TAFA5: variants seen among roughly 807,000 people sequenced by gnomAD.
TAFA5 encodes chemokine-like protein TAFA-5.
A neutral mutation model predicts 15.3 loss-of-function variants in TAFA5; 6 were observed. That is an observed-to-expected ratio of 0.39 (90% CI 0.21 to 0.77). TAFA5 has a LOEUF of 0.77. Ranked by LOEUF, TAFA5 falls within the 30% of genes least tolerant of loss-of-function variation. The pLI, the probability that TAFA5 is intolerant of heterozygous loss-of-function variation, is 0.41. For missense variants in TAFA5, 161 were observed against 193.1 expected, an observed-to-expected ratio of 0.83 and a Z score of 0.98; for synonymous variants, 103 against 80.7, an observed-to-expected ratio of 1.28 and a Z score of -1.48.
chr22:48,702,870 G>A (rs1928956437), intron 2 of TAFA5, among the ~76,000 whole-genome samples: 1 of 152,240 alleles, frequency 6.6e-6, no homozygotes, highest in Admixed American at 6.5e-5. Flanking sequence ...GGGCTGGGGT[G>A]GGTGAGCCCA....
At chr22:48,593,799 G>C (rs1924662572) in intron 1 of TAFA5, among the ~76,000 whole-genome samples, 1 of 152,058 alleles carries the variant, frequency 6.6e-6, no homozygotes, top group African/African-American at 2.4e-5. Context: ...GACAGTAAGA[G>C]CTCCCCCGAG....
At chr22:48,611,641 T>G (rs899842655) in intron 1 of TAFA5, among the ~76,000 whole-genome samples, 1 of 152,162 alleles carries the variant, frequency 6.6e-6, no homozygotes, top group African/African-American at 2.4e-5. Context: ...CCCTTTGGTG[T>G]TCTGATTGTG....
chr22:48,616,872 G>A (rs1925626193), intron 1 of TAFA5, among the ~76,000 whole-genome samples: 2 of 152,202 alleles, frequency 1.3e-5, no homozygotes, highest in Admixed American at 6.5e-5. Context: ...GGCACGGCTG[G>A]GGTGGGAGCG....
At chr22:48,591,953 C>T (rs773308564) in intron 1 of TAFA5, among the ~76,000 whole-genome samples, 5 of 152,210 alleles carry the variant, frequency 3.3e-5, no homozygotes, top group Non-Finnish European at 5.9e-5. Context: ...CCTCACGGCC[C>T]TGAGCGCCCT....
At chr22:48,641,646 C>T (rs1290489170) in intron 1 of TAFA5, among the ~76,000 whole-genome samples, 5 of 150,972 alleles carry the variant, frequency 3.3e-5, no homozygotes, top group Admixed American at 6.6e-5. Context: ...CGCACACCCT[C>T]CCCTCACACA....
intron 2 of TAFA5, among the ~76,000 whole-genome samples, chr22:48,663,432 G>A (rs1927512776): frequency 6.6e-6 from 1 of 152,136 alleles, no homozygotes; most frequent in African/African-American, 2.4e-5. Flanking sequence ...TAGGCAAAGG[G>A]CAAAGTGCAG....
chr22:48,568,581 G>A (rs1923481041), intron 1 of TAFA5, among the ~76,000 whole-genome samples: 1 of 152,232 alleles, frequency 6.6e-6, no homozygotes, highest in Non-Finnish European at 1.5e-5. Context: ...AGGAAAAGGA[G>A]GAAAGAAAAC....
chr22:48,707,151 G>A (rs1483604819), intron 2 of TAFA5, among the ~76,000 whole-genome samples: 1 of 151,928 alleles, frequency 6.6e-6, no homozygotes, highest in Non-Finnish European at 1.5e-5. Context: ...GGTCAGCCGG[G>A]CATCTGCAGA....
intron 1 of TAFA5, among the ~76,000 whole-genome samples, chr22:48,638,476 CAGG>C (rs1926541595): frequency 8.2e-6 from 1 of 121,762 alleles, no homozygotes; most frequent in African/African-American, 3.2e-5. Context: ...TCACCGCACA[CAGG>C]GGGGACCCCA....
At chr22:48,641,766 G>T (rs1211744089) in intron 1 of TAFA5, among the ~76,000 whole-genome samples, 2 of 152,154 alleles carry the variant, frequency 1.3e-5, no homozygotes, top group African/African-American at 4.8e-5. Context: ...GGACCTGCAA[G>T]GTCCCATGTC....
chr22:48,620,070 G>A (rs1447091730), intron 1 of TAFA5, among the ~76,000 whole-genome samples: 2 of 152,196 alleles, frequency 1.3e-5, no homozygotes, highest in African/African-American at 4.8e-5. Context: ...CAGGGTGGAG[G>A]ATGGCGGCGT....
chr22:48,535,204 G>A (rs1254734707), intron 1 of TAFA5, among the ~76,000 whole-genome samples: 2 of 152,132 alleles, frequency 1.3e-5, no homozygotes, highest in Admixed American at 1.3e-4. Context: ...TTATGCAAAT[G>A]ATCACCCCAC....
intron 1 of TAFA5, chr22:48,576,407 C>G (rs1310115383): frequency 4.0e-6 from 5 of 1,246,140 alleles, no homozygotes; most frequent in Non-Finnish European, 4.1e-6. Context: ...AGGCTGCACC[C>G]GGCGGGGCGC....
At chr22:48,587,078 G>A (rs911540293) in intron 1 of TAFA5, among the ~76,000 whole-genome samples, 1 of 152,362 alleles carries the variant, frequency 6.6e-6, no homozygotes, top group South Asian at 2.1e-4. Context: ...TTTCCCTGTG[G>A]CTTCATGGCA....
At chr22:48,715,015 T>C (rs1929360970) in intron 3 of TAFA5, among the ~76,000 whole-genome samples, 1 of 152,362 alleles carries the variant, frequency 6.6e-6, no homozygotes, top group Middle Eastern at 3.4e-3. Context: ...CTATTGGCTT[T>C]AGAGTCCATT....
chr22:48,596,430 C>A (rs745732234), intron 1 of TAFA5, among the ~76,000 whole-genome samples: 6 of 152,216 alleles, frequency 3.9e-5, no homozygotes, highest in Admixed American at 6.5e-5. Flanking sequence ...TCTCAATATT[C>A]TGTCAAGGGG....
intron 1 of TAFA5, among the ~76,000 whole-genome samples, chr22:48,582,464 T>TACACCAC (rs1156408055): frequency 2.7e-4 from 18 of 67,330 alleles, no homozygotes; most frequent in African/African-American, 1.1e-3. Flanking sequence ...ACACACAAAA[T>TACACCAC]ACACCACACA....
chr22:48,576,697 A>C, intron 1 of TAFA5: 1 of 1,133,002 alleles, frequency 8.8e-7, no homozygotes, highest in African/African-American at 1.6e-5. Flanking sequence ...GTGGAGCGCC[A>C]CTGCGGGCCC....
intron 1 of TAFA5, among the ~76,000 whole-genome samples, chr22:48,641,475 A>G (rs1006203107): frequency 6.6e-6 from 1 of 151,810 alleles, no homozygotes; most frequent in African/African-American, 2.4e-5. Flanking sequence ...TTTCTAAGAA[A>G]ACTCCCCCAA....
Sources: allele counts gnomAD v4.1 joint callset (sites outside exome capture counted in the v4.1 genomes callset), GRCh38; gene constraint gnomAD v4.1.1; transcripts MANE v1.5; gene names NCBI Gene and HGNC (gene_info 2026-07-23, HGNC 2026-07-21).